The following OR3A2 variants were observed in gnomAD, a reference collection of about 807,000 sequenced individuals.
OR3A2 encodes olfactory receptor 3A2.
For synonymous variants in OR3A2, 126 were observed against 159.3 expected, an observed-to-expected ratio of 0.79 and a Z score of 1.57; for missense variants, 318 against 392.8, an observed-to-expected ratio of 0.81 and a Z score of 1.61.
chr17:3,317,768 G>T (rs7214511), intron 3 of OR3A2, among the ~76,000 whole-genome samples: 23,011 of 151,930 alleles, frequency 0.15, 2,319 homozygotes, highest in African/African-American at 0.28. Context: ...ACCCTATTTC[G>T]AGAGTTGTGC....
At chr17:3,290,169 A>G (rs187205120) in intron 3 of OR3A2, among the ~76,000 whole-genome samples, 169 of 152,318 alleles carry the variant, frequency 1.1e-3, no homozygotes, top group African/African-American at 3.9e-3. Context: ...GAGAAGACGG[A>G]CTACAATGAT....
Position 3,311,293 on chromosome 17 carries a change from C to T in OR3A2, c.-85+24740G>A, listed in dbSNP as rs140766653. The T allele has an allele frequency of 1.5e-5, 8 of 531,432 alleles. No homozygotes were observed. The African/African-American group carries it at 1.5e-4, about 10-fold the overall frequency. The allele number at this position is 531,432 out of a possible 1,614,324, so 32.9% of individuals were successfully genotyped here. On this transcript the variant is annotated intron_variant, in intron 3 of 4. Transcript: ENST00000573491. This position sits in a 1 kb window ranked among gnomAD's most constrained non-coding sequence, Gnocchi z 4.6. ...AGTTCCCTATGCTGCCTGCAGTTCA[C>T]AGCTCTTCTTTCCCCACCTCCTGGC...
chr17:3,359,786 T>G (rs1190467002), intron 2 of OR3A2, among the ~76,000 whole-genome samples: 1 of 151,702 alleles, frequency 6.6e-6, no homozygotes, highest in African/African-American at 2.4e-5. Flanking sequence ...TTCCATGGTG[T>G]GTATGTGCCA....
intron 2 of OR3A2, among the ~76,000 whole-genome samples, chr17:3,368,341 T>C (rs2049582564): frequency 6.6e-6 from 1 of 152,238 alleles, no homozygotes; most frequent in Non-Finnish European, 1.5e-5. Flanking sequence ...TTTCCAATGT[T>C]ATCTTCTGGA....
intron 2 of OR3A2, among the ~76,000 whole-genome samples, chr17:3,383,640 T>C (rs147925419): frequency 3.4e-3 from 518 of 152,070 alleles, no homozygotes; most frequent in Middle Eastern, 0.017. Flanking sequence ...CTGAAGAGAA[T>C]GGATTGGAGG....
At chr17:3,293,469 T>C (rs1337158306) in intron 3 of OR3A2, among the ~76,000 whole-genome samples, 1 of 152,206 alleles carries the variant, frequency 6.6e-6, no homozygotes, top group African/African-American at 2.4e-5. Flanking sequence ...AGGTTCCTGC[T>C]AGTCTGAAAC....
chr17:3,347,673 C>T (rs908803010), intron 2 of OR3A2, among the ~76,000 whole-genome samples: 46 of 152,184 alleles, frequency 3.0e-4, no homozygotes, highest in African/African-American at 1.0e-3. Context: ...GTTCCAAGTC[C>T]TTGCTATTGT....
chr17:3,299,480 G>A (rs1406928514), intron 3 of OR3A2, among the ~76,000 whole-genome samples: 6 of 152,176 alleles, frequency 3.9e-5, no homozygotes, highest in African/African-American at 1.2e-4. Flanking sequence ...GGACCAAGGG[G>A]TCCTGAGGGA....
intron 3 of OR3A2, among the ~76,000 whole-genome samples, chr17:3,304,748 T>G (rs2048988524): frequency 6.6e-6 from 1 of 152,222 alleles, no homozygotes; most frequent in Admixed American, 6.5e-5. Flanking sequence ...GCGGTCCATA[T>G]GATTTCATAG....
At chr17:3,386,295 C>T (rs1319697089), upstream of OR3A2, 4 of 398,440 alleles carry the variant, frequency 1.0e-5, no homozygotes, top group Admixed American at 4.4e-5. Flanking sequence ...CCTACGACCG[C>T]CCGACGGCGG....
Position 3,356,091 on chromosome 17 carries a change from TCAAA to T in OR3A2, c.-178-19969_-178-19966del, listed in dbSNP as rs368980037. On this transcript the variant is annotated intron_variant, in intron 2 of 4. Transcript: ENST00000573491. ...AGCTTAACACTGAGTGCATAAACAA[TCAAA>T]CAAACACACAAAAAGAAATAACTAA... Among the ~76,000 whole-genome samples, 54 of 151,530 alleles carry T rather than the reference TCAAA, an allele frequency of 3.6e-4. 3 individuals carry two copies. Among genetic ancestry groups the T allele is most frequent in the East Asian group, 7.7e-4 (4 of 5,182 alleles).
chr17:3,357,097 G>C (rs770792054), intron 2 of OR3A2, among the ~76,000 whole-genome samples: 1 of 151,688 alleles, frequency 6.6e-6, no homozygotes, highest in African/African-American at 2.4e-5. Context: ...ACCACATCTT[G>C]TTTACAGTCA....
chr17:3,311,334 C>T lies in OR3A2; in HGVS notation c.-85+24699G>A. 1.9e-6 allele frequency: 1 copy of T among 534,734 alleles called. No individual in the cohort carries two copies. Among genetic ancestry groups the T allele is most frequent in the Non-Finnish European group, 3.8e-6 (1 of 260,036 alleles). The allele number at this position is 534,734 out of a possible 1,614,324, so 33.1% of individuals were successfully genotyped here. A position where few individuals can be genotyped will look rare whatever the true frequency, so the allele number is the denominator to read the frequency against. ...ACCTCCTGGCTGGGGTGGACTGTCA[C>T]CTCTTAATAGCCATGGCCTATGACC... On this transcript the variant is annotated intron_variant, in intron 3 of 4. Transcript: ENST00000573491. This position sits in a 1 kb window ranked among gnomAD's most constrained non-coding sequence, Gnocchi z 4.6.
At chr17:3,306,368 C>T (rs1347352753) in intron 3 of OR3A2, among the ~76,000 whole-genome samples, 1 of 152,016 alleles carries the variant, frequency 6.6e-6, no homozygotes, top group Non-Finnish European at 1.5e-5. Context: ...ATCTAGAACG[C>T]CTGGCCTCAA....
intron 3 of OR3A2, among the ~76,000 whole-genome samples, chr17:3,295,204 TC>T (rs1378790536): frequency 6.6e-6 from 1 of 152,120 alleles, no homozygotes; most frequent in Non-Finnish European, 1.5e-5. Flanking sequence ...TTCCTCATCT[TC>T]TATAGCTGAA....
In OR3A2 at chr17:3,292,330, A is replaced by G. The variant is rs943455092; in HGVS notation, c.-84-13177T>C. ...CGCTTGCGGGACAGGAGACGACTCA[A>G]CATTGATGGAACAGTGACGCTGATG... is the stretch of plus-strand genomic sequence containing the variant. On this transcript the variant is annotated intron_variant, in intron 3 of 4. Transcript: ENST00000573491. 45 of 1,614,046 alleles carry G rather than the reference A, an allele frequency of 2.8e-5. No individual in the cohort carries two copies. The East Asian group carries it at 9.8e-4, about 35-fold the overall frequency.
intron 3 of OR3A2, among the ~76,000 whole-genome samples, chr17:3,325,072 CTA>C (rs1233098464): frequency 6.6e-6 from 1 of 151,578 alleles, no homozygotes; most frequent in Non-Finnish European, 1.5e-5. Context: ...ATTTTTTTTA[CTA>C]TTTTTATGAT....
intron 2 of OR3A2, among the ~76,000 whole-genome samples, chr17:3,350,722 C>T (rs2049412992): frequency 2.0e-5 from 3 of 151,522 alleles, no homozygotes; most frequent in Admixed American, 1.3e-4. Flanking sequence ...CGGGCAGAGA[C>T]ACAACCAAAA....
At chr17:3,289,632 C>T (rs919307403) in intron 3 of OR3A2, among the ~76,000 whole-genome samples, 2 of 152,198 alleles carry the variant, frequency 1.3e-5, no homozygotes, top group African/African-American at 4.8e-5. Context: ...TACAGTCTTT[C>T]TATTCATTCA....
Sources: gnomAD v4.1 joint callset for allele counts (sites outside exome capture counted in the v4.1 genomes callset) on GRCh38, gnomAD v4.1.1 for gene constraint, Gnocchi (gnomAD v3.1) non-coding constraint, MANE v1.5 for transcripts, NCBI Gene and HGNC (gene_info 2026-07-23, HGNC 2026-07-21) for gene names.